Variants in ZNRF2 observed in about 807,000 individuals in gnomAD.
The protein encoded by ZNRF2 is E3 ubiquitin-protein ligase ZNRF2.
In ZNRF2, 16 loss-of-function variants were observed where a neutral mutation model predicts 20.4. The observed-to-expected ratio is 0.79, with a 90% CI of 0.53 to 1.19. ZNRF2 has a LOEUF of 1.19. Among genes scored for constraint, ZNRF2 ranks in the 50% most tolerant of loss-of-function variants. The pLI is 0.00. For missense variants in ZNRF2, 363 were observed against 332.4 expected, an observed-to-expected ratio of 1.09 and a Z score of -0.72; for synonymous variants, 178 against 144.9, an observed-to-expected ratio of 1.23 and a Z score of -1.64.
intron 2 of ZNRF2, among the ~76,000 whole-genome samples, chr7:30,338,159 G>A (rs1426939577): frequency 2.0e-5 from 3 of 152,108 alleles, no homozygotes; most frequent in African/African-American, 7.2e-5. Flanking sequence ...TATTTTGTGT[G>A]TGTATGAGTA....
intron 1 of ZNRF2, among the ~76,000 whole-genome samples, chr7:30,301,715 A>C (rs865797621): frequency 3.8e-4 from 57 of 151,808 alleles, no homozygotes; most frequent in African/African-American, 1.0e-3. Flanking sequence ...AAAAAAAAAA[A>C]AAAAAAAACT....
rs932535983 is a variant in ZNRF2 at position 30,285,476 on chromosome 7, G to A, written c.119G>A (p.Gly40Asp). 3 of 1,106,796 alleles carry A rather than the reference G, an allele frequency of 2.7e-6. No individual in the cohort carries two copies. The highest frequency in any genetic ancestry group is 4.1e-4 in the Middle Eastern group (1 of 2,418). The allele number at this position is 1,106,796 out of a possible 1,614,324, so 68.6% of individuals were successfully genotyped here. A position where few individuals can be genotyped will look rare whatever the true frequency, so the allele number is the denominator to read the frequency against. The part of the protein sequence containing the change: ...GANGTAGGGG[G>D]ARAAAAGRFP... Reference sequence around the variant, plus strand: ...AATGGGACCGCGGGCGGCGGCGGGGGCGCTCGGGCCGCCGCCGCGGGGAGG... The same window carrying A: ...AATGGGACCGCGGGCGGCGGCGGGGACGCTCGGGCCGCCGCCGCGGGGAGG... Residue 40 changes from glycine (G) to aspartate (D), a missense_variant, in exon 1 of 5, where the codon GGC becomes GAC. Physicochemically the swap from Gly to Asp is moderately conservative, Grantham distance 94 (BLOSUM62 -1). Around this residue, in one of 2 missense-constraint regions of ZNRF2, gnomAD observed 302 missense variants for 231.5 expected, o/e 1.30. Transcript: ENST00000323037.
chr7:30,306,557 A>AC (rs1437160708), intron 1 of ZNRF2, among the ~76,000 whole-genome samples: 1 of 152,144 alleles, frequency 6.6e-6, no homozygotes, highest in East Asian at 1.9e-4. Flanking sequence ...AAATGATAAA[A>AC]CCACCTATTC....
chr7:30,350,947 C>T (rs183759810), intron 2 of ZNRF2, among the ~76,000 whole-genome samples: 116 of 150,502 alleles, frequency 7.7e-4, no homozygotes, highest in African/African-American at 2.6e-3. Flanking sequence ...ATGAAATTTT[C>T]GCATGAAGTT....
chr7:30,332,981 ATT>A (rs1230573033), intron 2 of ZNRF2, among the ~76,000 whole-genome samples: 1 of 151,374 alleles, frequency 6.6e-6, no homozygotes, highest in Non-Finnish European at 1.5e-5. Flanking sequence ...GGCTGAACTA[ATT>A]TACATTCCCA....
At chr7:30,343,334 A>G (rs1799825777) in intron 2 of ZNRF2, among the ~76,000 whole-genome samples, 1 of 152,116 alleles carries the variant, frequency 6.6e-6, no homozygotes, top group African/African-American at 2.4e-5. Context: ...AAAGACATAG[A>G]TAAAATTTAA....
At chr7:30,349,198 GA>G (rs1234860526) in intron 2 of ZNRF2, among the ~76,000 whole-genome samples, 2 of 152,166 alleles carry the variant, frequency 1.3e-5, no homozygotes, top group African/African-American at 4.8e-5. Context: ...GACCATGTGA[GA>G]TGTAGGTATT....
intron 2 of ZNRF2, among the ~76,000 whole-genome samples, chr7:30,328,289 A>T (rs1417626103): frequency 6.6e-6 from 1 of 152,208 alleles, no homozygotes; most frequent in Non-Finnish European, 1.5e-5. Context: ...AGTCAACTGG[A>T]TTCCTCACAA....
chr7:30,338,425 C>T (rs567812032), intron 2 of ZNRF2, among the ~76,000 whole-genome samples: 74 of 125,286 alleles, frequency 5.9e-4, no homozygotes, highest in African/African-American at 2.2e-3. Context: ...CTCCCCTAGC[C>T]CCCCCCCACC....
At chr7:30,299,986 G>A (rs958058872) in intron 1 of ZNRF2, among the ~76,000 whole-genome samples, 2 of 151,670 alleles carry the variant, frequency 1.3e-5, no homozygotes, top group Non-Finnish European at 2.9e-5. Context: ...GGTTTTCACT[G>A]TGTTAGCCAG....
intron 2 of ZNRF2, among the ~76,000 whole-genome samples, chr7:30,324,680 A>G (rs1799525791): frequency 2.0e-5 from 3 of 152,224 alleles, no homozygotes; most frequent in African/African-American, 7.2e-5. Context: ...ACTGTACAAG[A>G]TTCTTTGGAC....
At chr7:30,320,079 A>AT (rs1280332926) in intron 1 of ZNRF2, among the ~76,000 whole-genome samples, 7 of 151,926 alleles carry the variant, frequency 4.6e-5, no homozygotes, top group Non-Finnish European at 1.5e-5. Flanking sequence ...CTTTGTTTTG[A>AT]TTCATCTGTT....
At chr7:30,310,096 G>T (rs1799269645) in intron 1 of ZNRF2, among the ~76,000 whole-genome samples, 2 of 152,146 alleles carry the variant, frequency 1.3e-5, no homozygotes, top group South Asian at 4.1e-4. Flanking sequence ...CGTTGTGAGG[G>T]TGGTGTAGAT....
At chr7:30,362,816 G>C (rs960955814) in intron 4 of ZNRF2, among the ~76,000 whole-genome samples, 2 of 152,120 alleles carry the variant, frequency 1.3e-5, no homozygotes, top group South Asian at 4.2e-4. Context: ...TCGGGAGGCT[G>C]AGGTACAAGA....
At chr7:30,296,473 T>A (rs1799021840) in intron 1 of ZNRF2, among the ~76,000 whole-genome samples, 1 of 152,214 alleles carries the variant, frequency 6.6e-6, no homozygotes, top group Admixed American at 6.5e-5. Context: ...TTAGATTATT[T>A]TAGTTACATG....
intron 1 of ZNRF2, among the ~76,000 whole-genome samples, chr7:30,291,294 A>C (rs545764101): frequency 1.8e-4 from 27 of 152,204 alleles, no homozygotes; most frequent in Non-Finnish European, 3.2e-4. Context: ...TTATCTAATG[A>C]AGTTTGAAAG....
intron 1 of ZNRF2, among the ~76,000 whole-genome samples, chr7:30,304,052 A>G (rs1799159706): frequency 6.6e-6 from 1 of 152,064 alleles, no homozygotes; most frequent in Admixed American, 6.6e-5. Flanking sequence ...GAGTAATATT[A>G]TTTTACTCTC....
chr7:30,302,594 AAAGAC>A lies in ZNRF2; in HGVS notation c.469+16772_469+16776del, dbSNP rs1393364207. ...AAATTAGTGTATATATGTACATAAAAAAGACAAGGTAATATCCATACACTAAAAAT... is the reference window on the plus strand; with the variant it reads ...AAATTAGTGTATATATGTACATAAAAAAGGTAATATCCATACACTAAAAAT... On this transcript the variant is annotated intron_variant, in intron 1 of 4. Coordinates refer to ENST00000323037, the MANE Select transcript of ZNRF2 (RefSeq NM_147128.4). 7.2e-5 allele frequency among the ~76,000 whole-genome samples: 11 copies of A among 152,290 alleles called. No homozygotes were observed. In the East Asian group the frequency reaches 1.7e-3, roughly 24 times the overall value.
At chr7:30,289,771 C>T (rs547467152) in intron 1 of ZNRF2, 13 of 534,244 alleles carry the variant, frequency 2.4e-5, no homozygotes, top group South Asian at 9.8e-5. Flanking sequence ...CTGAGAGCAG[C>T]GTGACCTAAG....
Sources: gnomAD v4.1 joint callset for allele counts (sites outside exome capture counted in the v4.1 genomes callset) on GRCh38, gnomAD v4.1.1 for gene constraint, gnomAD v4.1.1 regional missense constraint, MANE v1.5 for transcripts, NCBI Gene and HGNC (gene_info 2026-07-23, HGNC 2026-07-21) for gene names.